The following WARS1 variants were observed in gnomAD, a reference collection of about 807,000 sequenced individuals.
WARS1 encodes the protein tryptophanyl-tRNA synthetase 1, also known as tryptophan--tRNA ligase, cytoplasmic.
A neutral mutation model predicts 47.8 loss-of-function variants in WARS1; 17 were observed. The ratio of observed to expected loss-of-function variants is 0.36; its 90% CI spans 0.24 to 0.53. The LOEUF (loss-of-function observed/expected upper bound fraction) is 0.53, where lower values mean the gene tolerates loss of function less well. Ranked by LOEUF, WARS1 falls within the 20% of genes least tolerant of loss-of-function variation. The pLI, the probability that WARS1 is intolerant of heterozygous loss-of-function variation, is 0.91. For synonymous variants in WARS1, 208 were observed against 228.1 expected (o/e 0.91, Z 0.79); for missense variants, 434 against 608.0 (o/e 0.71, Z 3.01).
intron 9 of WARS1, 150 bp from the exon 10 acceptor site, chr14:100,337,352 G>A (rs758785290): frequency 3.9e-5 from 44 of 1,139,528 alleles, no homozygotes; most frequent in Non-Finnish European, 4.8e-5. Context: ...GGTTGGGGGC[G>A]CACAGCCAGT....
chr14:100,373,043 T>C lies in WARS1; in HGVS notation c.-74+2240A>G, dbSNP rs1473265916. ...TCCCCAAACACTCCTTTAGTAACTTTATGAAAGCACTCACACTGCAGTTTA... is the reference window on the plus strand; with the variant it reads ...TCCCCAAACACTCCTTTAGTAACTTCATGAAAGCACTCACACTGCAGTTTA... On this transcript the variant is annotated intron_variant, in intron 1 of 10. Transcript: ENST00000392882. The surrounding 1 kb of genome is among the most constrained non-coding windows in gnomAD (Gnocchi z 4.4). Among the ~76,000 whole-genome samples, 1 of 152,218 alleles carries C rather than the reference T, an allele frequency of 6.6e-6. No homozygotes were observed. The highest frequency in any genetic ancestry group is 1.5e-5 in the Non-Finnish European group (1 of 68,044).
Position 100,334,751 on chromosome 14 carries a change from C to T in WARS1, c.*124G>A. Reference sequence around the variant, plus strand: ...AGTATTGATAACATACACAGGCTTACAGAGGCCAGGCCCAGTAATTACCAT... The same window carrying T: ...AGTATTGATAACATACACAGGCTTATAGAGGCCAGGCCCAGTAATTACCAT... On this transcript the variant is annotated 3_prime_UTR_variant, in exon 11 of 11. Coordinates refer to ENST00000392882, the MANE Select transcript of WARS1 (RefSeq NM_004184.4). 8.7e-7 allele frequency: 1 copy of T among 1,145,140 alleles called. No individual in the cohort carries two copies. The highest frequency in any genetic ancestry group is 1.2e-6 in the Non-Finnish European group (1 of 804,068). The allele number at this position is 1,145,140 out of a possible 1,614,324, so 70.9% of individuals were successfully genotyped here.
intron 2 of WARS1, among the ~76,000 whole-genome samples, chr14:100,367,584 T>C (rs1896075121): frequency 1.0e-5 from 1 of 96,284 alleles, no homozygotes; most frequent in Admixed American, 1.6e-4. Context: ...TGAGATTCCA[T>C]CTCGGGGGGC....
intron 5 of WARS1, 114 bp downstream of exon 5, chr14:100,354,333 T>A: frequency 6.8e-7 from 1 of 1,463,630 alleles, no homozygotes; most frequent in African/African-American, 1.4e-5. Context: ...ACTCTTGACA[T>A]CTTGGTTGCT....
At chr14:100,348,908 G>A (rs1894797465) in intron 6 of WARS1, among the ~76,000 whole-genome samples, 1 of 152,224 alleles carries the variant, frequency 6.6e-6, no homozygotes, top group Admixed American at 6.5e-5. Context: ...TGGCTGCAGG[G>A]TGAATGCAGG....
intron 9 of WARS1, chr14:100,339,961 G>A (rs1284914879): frequency 1.3e-5 from 2 of 152,242 alleles, no homozygotes; most frequent in Non-Finnish European, 2.9e-5. Context: ...CTTTTCCCAC[G>A]GTAGGCACAC....
At position 100,343,302 on chromosome 14, in the gene WARS1, C is replaced by A; in HGVS notation, c.912G>T (p.Gln304His). The A allele has an allele frequency of 6.2e-7, 1 of 1,613,210 alleles. No individual in the cohort carries two copies. Among genetic ancestry groups the A allele is most frequent in the Non-Finnish European group, 8.5e-7 (1 of 1,179,398 alleles). Residue 304 changes from glutamine (Q) to histidine (H), a missense_variant, in exon 8 of 11, where the codon CAG (glutamine) becomes CAT (histidine). Transcript: ENST00000392882. ...GGTCAATGGCACATGGGATAAGGCA[C>A]TGGATATCCGTCCTGTCTCGGAAGA... ...PQIFRDRTDI[Q>H]CLIPCAIDQD... is the part of the protein sequence containing the mutation.
chr14:100,369,146 T>C lies in WARS1; in HGVS notation c.40A>G (p.Asn14Asp). The C allele has an allele frequency of 1.3e-6, 2 of 1,567,682 alleles. No individual in the cohort carries two copies. The highest frequency in any genetic ancestry group is 1.7e-6 in the Non-Finnish European group (2 of 1,147,994). The change falls in exon 2 of 11, where the codon AAC (asparagine) becomes GAC (aspartate). Residue 14 changes from asparagine to aspartate, a missense_variant. Around this residue, in one of 2 missense-constraint regions of WARS1, gnomAD observed 87 missense variants for 84.2 expected, o/e 1.03. Transcript: ENST00000392882. ...SEPASLLELF[N>D]SIATQGELVR... is the part of the protein sequence containing the mutation. Reference sequence around the variant, plus strand: ...AGCTCCCCTTGTGTGGCGATGCTGTTGAACAGCTCCAGCAGAGATGCGGGC... The same window carrying C: ...AGCTCCCCTTGTGTGGCGATGCTGTCGAACAGCTCCAGCAGAGATGCGGGC...
chr14:100,358,589 C>T lies in WARS1; in HGVS notation c.422+1965G>A, dbSNP rs1202882338. Among the ~76,000 whole-genome samples the T allele has an allele frequency of 2.0e-5, 3 of 152,144 alleles. 1 individual carries two copies. The highest frequency in any genetic ancestry group is 2.0e-4 in the Admixed American group (3 of 15,282). On this transcript the variant is annotated intron_variant, in intron 4 of 10. Coordinates refer to ENST00000392882, the MANE Select transcript of WARS1 (RefSeq NM_004184.4). Reference sequence around the variant, plus strand: ...AAACCACAAAACTCTGAGAAGAAACCATAGGTGTAAATCTTCACAACCTTC... The same window carrying T: ...AAACCACAAAACTCTGAGAAGAAACTATAGGTGTAAATCTTCACAACCTTC...
At chr14:100,352,286 GTT>G (rs968099869) in intron 6 of WARS1, among the ~76,000 whole-genome samples, 3 of 151,324 alleles carry the variant, frequency 2.0e-5, no homozygotes, top group Non-Finnish European at 2.9e-5. Flanking sequence ...TAATTTTTGT[GTT>G]TTTAGTAGAG....
intron 7 of WARS1, among the ~76,000 whole-genome samples, chr14:100,344,766 C>T (rs149835073): frequency 0.68 from 101,620 of 148,986 alleles, 35,765 homozygotes; most frequent in Admixed American, 0.81. Flanking sequence ...GCGCCTCTAC[C>T]CGGCCGCGAC....
intron 9 of WARS1, among the ~76,000 whole-genome samples, chr14:100,337,981 G>A (rs1893866072): frequency 6.6e-6 from 1 of 152,126 alleles, no homozygotes; most frequent in Non-Finnish European, 1.5e-5. Flanking sequence ...GTGTTAATGG[G>A]GACAGGAAAG....
Position 100,334,859 on chromosome 14 carries a change from A to C in WARS1, c.*16T>G. The C allele has an allele frequency of 6.2e-7, 1 of 1,612,876 alleles. No individual in the cohort carries two copies. Among genetic ancestry groups the C allele is most frequent in the Non-Finnish European group, 8.5e-7 (1 of 1,179,098 alleles). On this transcript the variant is annotated 3_prime_UTR_variant, in exon 11 of 11. Coordinates refer to ENST00000392882, the MANE Select transcript of WARS1 (RefSeq NM_004184.4). ...CTGATACATCACTTCTTTTATAAGCATATGTAAAACGAGTGCTACTGAAAG... is the reference window on the plus strand; with the variant it reads ...CTGATACATCACTTCTTTTATAAGCCTATGTAAAACGAGTGCTACTGAAAG...
chr14:100,354,671 G>A, intron 4 of WARS1, 105 bp from the exon 5 acceptor site: 4 of 1,286,878 alleles, frequency 3.1e-6, no homozygotes, highest in Non-Finnish European at 4.2e-6. Flanking sequence ...GAAACAACAT[G>A]GATAATAACT....
rs558887641 is a variant in WARS1 at position 100,360,728 on chromosome 14, T to C, written c.314-66A>G. The stretch of plus-strand genomic sequence containing the variant: ...GTTTAGTGATCAGATATTACTGAAA[T>C]GAAGATGAAAAGTGAGTGATCCATG... On this transcript the variant is annotated intron_variant, in intron 3 of 10. Coordinates refer to ENST00000392882, the MANE Select transcript of WARS1 (RefSeq NM_004184.4). 4.8e-4 allele frequency: 605 copies of C among 1,249,052 alleles called. 6 individuals are homozygous for C. Among genetic ancestry groups the C allele is most frequent in the South Asian group, 4.0e-3 (316 of 78,144 alleles). 77.4% of individuals were successfully genotyped at this position (1,249,052 alleles called of 1,614,324 possible).
chr14:100,341,591 C>G (rs1894167011), intron 9 of WARS1, among the ~76,000 whole-genome samples: 1 of 152,200 alleles, frequency 6.6e-6, no homozygotes, highest in African/African-American at 2.4e-5. Context: ...CTTTGTGTAA[C>G]AGTGAGGCAA....
chr14:100,345,823 T>C (rs1448045214), intron 7 of WARS1, among the ~76,000 whole-genome samples: 1 of 152,246 alleles, frequency 6.6e-6, no homozygotes, highest in Non-Finnish European at 1.5e-5. Context: ...CGACAGGTGG[T>C]GCCACGCCAG....
chr14:100,360,906 T>C (rs1404508876), intron 3 of WARS1, among the ~76,000 whole-genome samples: 1 of 152,146 alleles, frequency 6.6e-6, no homozygotes, highest in African/African-American at 2.4e-5. Flanking sequence ...CTGTTTTGCC[T>C]GAGACTGGGT....
intron 9 of WARS1, among the ~76,000 whole-genome samples, chr14:100,340,896 C>A (rs1894114455): frequency 6.6e-6 from 1 of 150,828 alleles, no homozygotes; most frequent in Non-Finnish European, 1.5e-5. Flanking sequence ...GATCCATAAA[C>A]AAGTTTTTCT....
Sources: gnomAD v4.1 joint callset for allele counts (sites outside exome capture counted in the v4.1 genomes callset) on GRCh38, gnomAD v4.1.1 for gene constraint, gnomAD v4.1.1 regional missense constraint, Gnocchi (gnomAD v3.1) non-coding constraint, MANE v1.5 for transcripts, NCBI Gene and HGNC (gene_info 2026-07-23, HGNC 2026-07-21) for gene names.